Variants in SCAF4 observed in about 807,000 individuals in gnomAD.
SCAF4 encodes the protein SR-related and CTD-associated factor 4.
A neutral mutation model predicts 129.8 loss-of-function variants in SCAF4; 25 were observed. The ratio of observed to expected loss-of-function variants is 0.19; its 90% confidence interval spans 0.14 to 0.27. The LOEUF is 0.27. Ranked by LOEUF, SCAF4 falls within the 10% of genes least tolerant of loss-of-function variation. The probability of loss-of-function intolerance (pLI) is 1.00; values close to 1 mark genes in which losing one functional copy is unlikely to be tolerated. For synonymous variants in SCAF4, 551 were observed against 497.7 expected, an observed-to-expected ratio of 1.11 and a Z score of -1.43; for missense variants, 1,246 against 1,457.1, an observed-to-expected ratio of 0.86 and a Z score of 2.36.
rs186393569 is a variant in SCAF4 at position 31,718,945 on chromosome 21, A to G, written c.31-12588T>C. On this transcript the variant is annotated intron_variant, in intron 1 of 19. Transcript: ENST00000286835. Reference sequence around the variant, plus strand: ...AATTACATTTAATAATAAATATAACACCATTTTTAGGTTAACTACTTATAT... The same window carrying G: ...AATTACATTTAATAATAAATATAACGCCATTTTTAGGTTAACTACTTATAT... Among the ~76,000 whole-genome samples the G allele has an allele frequency of 1.1e-4, 17 of 152,304 alleles. No homozygotes were observed. The East Asian group carries it at 3.1e-3, about 28-fold the overall frequency.
At chr21:31,706,476 G>A (rs1416819808) in intron 1 of SCAF4, 119 bp from the exon 2 acceptor site, 21 of 678,862 alleles carry the variant, frequency 3.1e-5, no homozygotes, top group African/African-American at 5.5e-5. Flanking sequence ...GGTGGTGAGG[G>A]GGGTCTTAGC....
intron 1 of SCAF4, among the ~76,000 whole-genome samples, chr21:31,723,001 T>A (rs1013024657): frequency 3.9e-5 from 6 of 152,248 alleles, no homozygotes; most frequent in South Asian, 2.1e-4. Context: ...TGGATAGTAT[T>A]GTGATTTCTA....
chr21:31,701,291 G>A (rs2050525606), intron 6 of SCAF4, 120 bp from the exon 7 acceptor site: 3 of 785,882 alleles, frequency 3.8e-6, no homozygotes, highest in Non-Finnish European at 5.6e-6. Context: ...GAACAAATTG[G>A]GGAAAAAATC....
At position 31,705,724 on chromosome 21, in the gene SCAF4, A is replaced by G. The variant is rs1235532695; in HGVS notation, c.115-257T>C. Among the ~76,000 whole-genome samples, 3 of 152,188 alleles carry G rather than the reference A, an allele frequency of 2.0e-5. No individual in the cohort carries two copies. In the East Asian group the frequency reaches 5.8e-4, roughly 29 times the overall value. ...AATCAATAAACCTTCATGAAGCAGA[A>G]TATTTGGCAACCTTATGGGACAAAA... is the stretch of plus-strand genomic sequence containing the variant. On this transcript the variant is annotated intron_variant, in intron 2 of 19. Transcript: ENST00000286835.
chr21:31,694,140 C>A, intron 11 of SCAF4, 64 bp downstream of exon 11: 1 of 872,338 alleles, frequency 1.1e-6, no homozygotes, highest in Admixed American at 2.3e-5. Context: ...ATAACCCAAT[C>A]TAATTTTAAT....
intron 1 of SCAF4, among the ~76,000 whole-genome samples, chr21:31,710,295 T>A (rs1343350889): frequency 6.6e-6 from 1 of 151,804 alleles, no homozygotes; most frequent in East Asian, 1.9e-4. Context: ...ACACCTGTAA[T>A]CCCAGCACTT....
At chr21:31,702,092 A>T in intron 5 of SCAF4, 152 bp downstream of exon 5, 1 of 1,267,210 alleles carries the variant, frequency 7.9e-7, no homozygotes, top group Non-Finnish European at 1.1e-6. Flanking sequence ...CTTTATTATA[A>T]ATAGGAATTA....
chr21:31,701,648 A>G, intron 6 of SCAF4, 128 bp downstream of exon 6: 1 of 953,018 alleles, frequency 1.0e-6, no homozygotes, highest in South Asian at 2.1e-5. Flanking sequence ...TCTCTTGTGA[A>G]GGCTTTTCTA....
chr21:31,671,231 AT>A lies in SCAF4; in HGVS notation c.*167del, dbSNP rs1440634349. 5.4e-6 allele frequency: 3 copies of A among 557,436 alleles called. No homozygotes were observed. Among genetic ancestry groups the A allele is most frequent in the South Asian group, 9.7e-5 (2 of 20,664 alleles). The allele number at this position is 557,436 out of a possible 1,614,324, so 34.5% of individuals were successfully genotyped here. A position where few individuals can be genotyped will look rare whatever the true frequency, so the allele number is the denominator to read the frequency against. On this transcript the variant is annotated 3_prime_UTR_variant, in exon 20 of 20. Transcript: ENST00000286835. The stretch of plus-strand genomic sequence containing the variant: ...ATTCATATTTTCAGTATTTTTTGTT[AT>A]TTTGTGGCTATTTTTAAATAGAAGG...
At chr21:31,706,929 T>C in intron 1 of SCAF4, 1 of 304,742 alleles carries the variant, frequency 3.3e-6, no homozygotes, top group South Asian at 3.0e-5. Context: ...AGAGGAGTAT[T>C]TTTATCAACT....
At chr21:31,693,563 G>C in intron 11 of SCAF4, 79 bp from the exon 12 acceptor site, 1 of 898,942 alleles carries the variant, frequency 1.1e-6, no homozygotes, top group Non-Finnish European at 1.5e-6. Context: ...AATTAAAACA[G>C]AACAAAAACT....
intron 19 of SCAF4, among the ~76,000 whole-genome samples, chr21:31,683,841 C>T (rs2050052414): frequency 6.6e-6 from 1 of 152,034 alleles, no homozygotes; most frequent in Non-Finnish European, 1.5e-5. Flanking sequence ...AATCATTTTC[C>T]ATCATTATGG....
intron 19 of SCAF4, chr21:31,684,828 T>C: frequency 1.8e-6 from 1 of 548,108 alleles, no homozygotes; most frequent in Non-Finnish European, 3.3e-6. Flanking sequence ...ATTTTGTCTT[T>C]GAGATTCTCT....
At chr21:31,706,217 A>G in intron 2 of SCAF4, 57 bp downstream of exon 2, 1 of 1,160,768 alleles carries the variant, frequency 8.6e-7, no homozygotes, top group Non-Finnish European at 1.3e-6. Flanking sequence ...GTTTAAAAGT[A>G]ATAAATATTT....
chr21:31,694,060 C>A (rs2050323402), intron 11 of SCAF4, 144 bp downstream of exon 11: 1 of 460,792 alleles, frequency 2.2e-6, no homozygotes. Flanking sequence ...CTTCACCTGC[C>A]CCCTTCTACA....
chr21:31,671,485 T>G lies in SCAF4; in HGVS notation c.3358A>C (p.Lys1120Gln), dbSNP rs1398216463. 1 of 1,614,146 alleles carries G rather than the reference T, an allele frequency of 6.2e-7. No homozygotes were observed. Among genetic ancestry groups the G allele is most frequent in the East Asian group, 2.2e-5 (1 of 44,880 alleles). The change falls in exon 20 of 20, where the codon AAG (lysine) becomes CAG (glutamine). Residue 1120 changes from lysine to glutamine, a missense_variant. By Grantham distance (53) the Lys-to-Gln change is moderately conservative. This residue lies in a region of SCAF4 where 339 missense variants were observed against 325.0 expected (regional missense o/e 1.04). Transcript: ENST00000286835. ...TCAGCAGGTAACTCTTCAGAAGGCT[T>G]TAGGACTGCAGCCTCAGACACCCCC... ...EKGVSEAAVL[K>Q]PSEELPAEAT...
In SCAF4 at chr21:31,685,109, G is replaced by A; in HGVS notation, c.2428C>T (p.Pro810Ser). The A allele has an allele frequency of 6.2e-7, 1 of 1,613,044 alleles. No homozygotes were observed. Among genetic ancestry groups the A allele is most frequent in the Non-Finnish European group, 8.5e-7 (1 of 1,179,654 alleles). ...DSVKMYGSAV[P>S]PAAPTNLPTP... ...GGCAGATTCGTGGGTGCAGCAGGTG[G>A]CACGGCAGAGCCATACATTTTCACG... Residue 810 changes from proline to serine, a missense_variant, in exon 19 of 20, where the codon CCA becomes TCA. By Grantham distance (74) the Pro-to-Ser change is moderately conservative. Around this residue, in one of 6 missense-constraint regions of SCAF4, gnomAD observed 468 missense variants for 605.5 expected, o/e 0.77. Coordinates refer to ENST00000286835, the MANE Select transcript of SCAF4 (RefSeq NM_020706.2).
intron 19 of SCAF4, among the ~76,000 whole-genome samples, chr21:31,678,972 A>G (rs1438648438): frequency 2.0e-5 from 3 of 152,166 alleles, no homozygotes; most frequent in Non-Finnish European, 2.9e-5. Context: ...ATGGTTATTG[A>G]TTAGATATTT....
chr21:31,672,140 T>C lies in SCAF4; in HGVS notation c.2703A>G (p.Pro901=). The C allele has an allele frequency of 6.2e-7, 1 of 1,607,378 alleles. No homozygotes were observed. Among genetic ancestry groups the C allele is most frequent in the African/African-American group, 1.3e-5 (1 of 74,792 alleles). The change falls in exon 20 of 20, where the codon CCA becomes CCG. Residue 901 remains proline (P), a synonymous_variant. Transcript: ENST00000286835. The part of the protein sequence containing the change: ...PPGPGGFAMP[P]PHGMKGPFPP... ...GGAAGGGACCTTTCATTCCATGAGG[T>C]GGAGGCATCGCAAAGCCCCCTGGTC...
Sources: allele counts gnomAD v4.1 joint callset (sites outside exome capture counted in the v4.1 genomes callset), GRCh38; gene constraint gnomAD v4.1.1; regional missense constraint gnomAD v4.1.1; transcripts MANE v1.5; gene names NCBI Gene and HGNC (gene_info 2026-07-23, HGNC 2026-07-21).